Variants in VOPP1 observed in about 807,000 individuals in gnomAD.
The protein encoded by VOPP1 is VOPP1 WW domain binding protein.
Under a neutral mutation model 23.5 loss-of-function variants are expected in VOPP1, and 8 were observed. The observed-to-expected ratio is 0.34, with a 90% confidence interval of 0.20 to 0.61. VOPP1 has a LOEUF of 0.61. VOPP1 is among the 20% of genes least tolerant of loss of function. The pLI is 0.78. For missense variants in VOPP1, 174 were observed against 238.1 expected (o/e 0.73, Z 1.77); for synonymous variants, 83 against 97.3 (o/e 0.85, Z 0.86).
chr7:55,459,104 T>C (rs1791438657), intron 4 of VOPP1, among the ~76,000 whole-genome samples: 1 of 152,208 alleles, frequency 6.6e-6, no homozygotes, highest in South Asian at 2.1e-4. Flanking sequence ...ATACTGAATT[T>C]ATCAAACAAT....
At chr7:55,479,059 A>C (rs1442250734) in intron 4 of VOPP1, among the ~76,000 whole-genome samples, 1 of 151,992 alleles carries the variant, frequency 6.6e-6, no homozygotes, top group Non-Finnish European at 1.5e-5. Context: ...ATCGTAAGAG[A>C]CAATTCTTTC....
intron 1 of VOPP1, among the ~76,000 whole-genome samples, chr7:55,557,675 G>A (rs927775572): frequency 1.3e-5 from 2 of 152,186 alleles, no homozygotes; most frequent in African/African-American, 2.4e-5. Flanking sequence ...ACTCTGCCCA[G>A]CCACAACAGA....
chr7:55,546,346 G>A (rs1374436929), intron 1 of VOPP1, among the ~76,000 whole-genome samples: 1 of 152,218 alleles, frequency 6.6e-6, no homozygotes, highest in Non-Finnish European at 1.5e-5. Context: ...ACACTTAAGG[G>A]AAAGGCGGAA....
chr7:55,523,326 C>T (rs1385399156), intron 1 of VOPP1, among the ~76,000 whole-genome samples: 1 of 152,138 alleles, frequency 6.6e-6, no homozygotes, highest in African/African-American at 2.4e-5. Flanking sequence ...AGTTTGCACA[C>T]ATCAAAACAT....
At chr7:55,481,211 G>A (rs138707100) in intron 4 of VOPP1, among the ~76,000 whole-genome samples, 1,751 of 152,370 alleles carry the variant, frequency 0.011, 13 homozygotes, top group Middle Eastern at 0.02. Flanking sequence ...ACAGGCCAGT[G>A]AGTGGCAGCA....
chr7:55,440,307 T>C (rs1296618602), intron 4 of VOPP1, among the ~76,000 whole-genome samples: 1 of 152,180 alleles, frequency 6.6e-6, no homozygotes, highest in Non-Finnish European at 1.5e-5. Context: ...AGAGGGGCCC[T>C]GGCATCAGTT....
chr7:55,465,463 G>A (rs1183750629), intron 4 of VOPP1, among the ~76,000 whole-genome samples: 1 of 152,208 alleles, frequency 6.6e-6, no homozygotes, highest in Non-Finnish European at 1.5e-5. Context: ...GAAAGATGGA[G>A]ACTACATGGA....
intron 4 of VOPP1, among the ~76,000 whole-genome samples, chr7:55,475,544 A>G (rs868423868): frequency 6.6e-6 from 1 of 152,162 alleles, no homozygotes. Flanking sequence ...AGTGACAAGG[A>G]GCGACAGGCC....
At chr7:55,550,785 C>T (rs79700792) in intron 1 of VOPP1, among the ~76,000 whole-genome samples, 1,671 of 152,200 alleles carry the variant, frequency 0.011, 11 homozygotes, top group Middle Eastern at 0.02. Context: ...ATGAAAATTG[C>T]GCAGAAAATG....
chr7:55,497,779 A>G, intron 2 of VOPP1, 89 bp from the exon 3 acceptor site: 1 of 1,125,290 alleles, frequency 8.9e-7, no homozygotes, highest in Non-Finnish European at 1.3e-6. Flanking sequence ...CAATGTAATC[A>G]TTCTTGAAGG....
chr7:55,537,631 T>C (rs547441540), intron 1 of VOPP1: 1 of 1,529,176 alleles, frequency 6.5e-7, no homozygotes, highest in Non-Finnish European at 8.8e-7. Context: ...GGAGCACACA[T>C]AAATAAAGCT....
chr7:55,466,156 C>T (rs1389460847), downstream of VOPP1, among the ~76,000 whole-genome samples: 2 of 152,190 alleles, frequency 1.3e-5, no homozygotes, highest in Non-Finnish European at 2.9e-5. Context: ...CTACTGCATT[C>T]CTGACCTTAG....
chr7:55,516,918 ATATATATATATATATTTTTTTTTTTT>A (rs1280679171), intron 2 of VOPP1, among the ~76,000 whole-genome samples: 4 of 32,340 alleles, frequency 1.2e-4, no homozygotes, highest in African/African-American at 4.8e-4. Context: ...ATATATATAT[ATATATATATATATATTTTTTTTTTTT>A]TTTTTTTTTT....
chr7:55,516,933 T>TATATATATATA (rs1491552728), intron 2 of VOPP1, among the ~76,000 whole-genome samples: 1 of 36,030 alleles, frequency 2.8e-5, no homozygotes, highest in Non-Finnish European at 4.4e-5. Context: ...TATATATATA[T>TATATATATATA]TTTTTTTTTT....
intron 2 of VOPP1, among the ~76,000 whole-genome samples, chr7:55,507,851 C>T: frequency 6.6e-6 from 1 of 152,198 alleles, no homozygotes; most frequent in East Asian, 1.9e-4. Flanking sequence ...CGAAGTCAAA[C>T]ATCTCTGGGT....
At position 55,521,282 on chromosome 7, in the gene VOPP1, C is replaced by T. The variant is rs540232971; in HGVS notation, c.55-152G>A. ...GCAGACAATGCATTACAGGGAGAGC[C>T]GCCCCCTTTCTCATGACTTTCTATT... On this transcript the variant is annotated intron_variant, in intron 1 of 4. Coordinates refer to ENST00000285279, the MANE Select transcript of VOPP1 (RefSeq NM_030796.5). Among the ~76,000 whole-genome samples the T allele has an allele frequency of 1.5e-4, 23 of 152,232 alleles. No homozygotes were observed. In the East Asian group the frequency reaches 3.1e-3, roughly 20 times the overall value.
intron 2 of VOPP1, among the ~76,000 whole-genome samples, chr7:55,516,932 A>ATATATT (rs1562947689): frequency 1.6e-4 from 7 of 45,156 alleles, no homozygotes; most frequent in African/African-American, 8.4e-4. Flanking sequence ...ATATATATAT[A>ATATATT]TTTTTTTTTT....
chr7:55,571,330 C>T (rs1486269738), intron 1 of VOPP1, among the ~76,000 whole-genome samples: 1 of 152,226 alleles, frequency 6.6e-6, no homozygotes, highest in Non-Finnish European at 1.5e-5. Flanking sequence ...TAATTTCCAG[C>T]ACCAATCACT....
At chr7:55,480,956 A>G (rs1354594363) in intron 4 of VOPP1, among the ~76,000 whole-genome samples, 1 of 152,258 alleles carries the variant, frequency 6.6e-6, no homozygotes, top group Non-Finnish European at 1.5e-5. Flanking sequence ...GATAAGTGCT[A>G]AAGATGAAAA....
Sources: allele counts gnomAD v4.1 joint callset (sites outside exome capture counted in the v4.1 genomes callset), GRCh38; gene constraint gnomAD v4.1.1; transcripts MANE v1.5; gene names NCBI Gene and HGNC (gene_info 2026-07-23, HGNC 2026-07-21).